The following SYNDIG1L variants were observed in gnomAD, a reference collection of about 807,000 sequenced individuals.
The protein encoded by SYNDIG1L is synapse differentiation inducing 1 like, also known as synapse differentiation-inducing gene protein 1-like.
In SYNDIG1L, 13 loss-of-function variants were observed where a neutral mutation model predicts 20.1. The observed-to-expected ratio is 0.65, with a 90% CI of 0.42 to 1.03. The LOEUF is 1.03. Among genes scored for constraint, SYNDIG1L ranks in the 50% least tolerant of loss-of-function variants. The pLI, the probability that SYNDIG1L is intolerant of heterozygous loss-of-function variation, is 0.00. For synonymous variants in SYNDIG1L, 128 were observed against 129.3 expected, an observed-to-expected ratio of 0.99 and a Z score of 0.07; for missense variants, 294 against 305.1, an observed-to-expected ratio of 0.96 and a Z score of 0.27.
In SYNDIG1L at chr14:74,406,503, A is replaced by C. The variant is rs2240622; in HGVS notation, c.*1032T>G. On this transcript the variant is annotated 3_prime_UTR_variant, in exon 4 of 4. Transcript: ENST00000331628. Reference sequence around the variant, plus strand: ...TTAGATGAATTCTATTCATCCTAGGACTTGCTCAAGGGATACCTCCTCCAG... The same window carrying C: ...TTAGATGAATTCTATTCATCCTAGGCCTTGCTCAAGGGATACCTCCTCCAG... 0.63 allele frequency: 99,824 copies of C among 157,336 alleles called. 31,752 individuals carry two copies. Among genetic ancestry groups the C allele is most frequent in the Admixed American group, 0.66 (10,243 of 15,426 alleles). 9.7% of individuals were successfully genotyped at this position (157,336 alleles called of 1,614,324 possible).
At chr14:74,476,373 T>C in the SYNDIG1L span, 1 of 737,738 alleles carries the variant, frequency 1.4e-6, no homozygotes, top group South Asian at 1.5e-5. Context: ...GCTAAGCTGA[T>C]CTTTCTGCCT....
At position 74,409,627 on chromosome 14, in the gene SYNDIG1L, A is replaced by G; in HGVS notation, c.118T>C (p.Ser40Pro). 1 of 1,498,676 alleles carries G rather than the reference A, an allele frequency of 6.7e-7. No homozygotes were observed. Among genetic ancestry groups the G allele is most frequent in the Non-Finnish European group, 8.9e-7 (1 of 1,124,978 alleles). 92.8% of individuals were successfully genotyped at this position (1,498,676 alleles called of 1,614,324 possible). ...PSWSCQEKLY[S>P]YLLGGAGPAG... is the part of the protein sequence containing the mutation. ...GGCCCAGCGCCACCTAGGAGGTAGG[A>G]GTAGAGCTTTTCCTGGCAGGACCAG... Residue 40 changes from serine (S) to proline (P), a missense_variant, in exon 2 of 4, where the codon TCC becomes CCC. Physicochemically the swap from Ser to Pro is moderately conservative, Grantham distance 74. Transcript: ENST00000331628.
chr14:74,435,931 A>G, the SYNDIG1L span, among the ~76,000 whole-genome samples: 1 of 152,080 alleles, frequency 6.6e-6, no homozygotes, highest in African/African-American at 2.4e-5. Flanking sequence ...TTTCTACCAT[A>G]ATTTTCTGGT....
chr14:74,422,384 C>T (rs185798653), intron 1 of SYNDIG1L, among the ~76,000 whole-genome samples: 13 of 152,196 alleles, frequency 8.5e-5, no homozygotes, highest in Admixed American at 3.3e-4. Flanking sequence ...AGCTGAGTCC[C>T]GGAGAAGGGA....
chr14:74,447,733 A>G, the SYNDIG1L span, among the ~76,000 whole-genome samples: 6 of 152,350 alleles, frequency 3.9e-5, no homozygotes, highest in East Asian at 1.2e-3. Flanking sequence ...GAAAAACACA[A>G]GTAATAGTCT....
At chr14:74,460,221 A>G in the SYNDIG1L span, among the ~76,000 whole-genome samples, 17,414 of 151,978 alleles carry the variant, frequency 0.11, 1,786 homozygotes, top group African/African-American at 0.27. Flanking sequence ...GCCCTGTTCC[A>G]GTGGGGCTCT....
At chr14:74,426,824 G>A (rs2086270562), upstream of SYNDIG1L, among the ~76,000 whole-genome samples, 1 of 150,894 alleles carries the variant, frequency 6.6e-6, no homozygotes, top group African/African-American at 2.4e-5. Context: ...GTGCTGGGAA[G>A]GGCACAGGTT....
chr14:74,437,090 T>C, the SYNDIG1L span, among the ~76,000 whole-genome samples: 2 of 152,340 alleles, frequency 1.3e-5, no homozygotes, highest in East Asian at 3.9e-4. Flanking sequence ...ATGCCTGACA[T>C]AAGTAAACAC....
the SYNDIG1L span, among the ~76,000 whole-genome samples, chr14:74,440,655 A>G: frequency 6.6e-6 from 1 of 152,184 alleles, no homozygotes; most frequent in Non-Finnish European, 1.5e-5. Flanking sequence ...ACTGAACTCC[A>G]GCCTGGGGGA....
intron 1 of SYNDIG1L, among the ~76,000 whole-genome samples, chr14:74,414,543 T>C (rs1440575961): frequency 1.3e-5 from 2 of 152,210 alleles, no homozygotes; most frequent in African/African-American, 4.8e-5. Flanking sequence ...TGGAGTCAAA[T>C]TACAGTCTCC....
chr14:74,454,551 A>G, the SYNDIG1L span, among the ~76,000 whole-genome samples: 1 of 152,340 alleles, frequency 6.6e-6, no homozygotes, highest in East Asian at 1.9e-4. Flanking sequence ...TATAGGCACA[A>G]TGCCAAAAAC....
At chr14:74,480,053 G>T in the SYNDIG1L span, 1 of 1,511,256 alleles carries the variant, frequency 6.6e-7, no homozygotes, top group Non-Finnish European at 8.8e-7. Context: ...CTAACCAAGT[G>T]CTGCATTTAA....
intron 1 of SYNDIG1L, among the ~76,000 whole-genome samples, chr14:74,411,685 G>A (rs1022065192): frequency 3.9e-5 from 6 of 152,180 alleles, no homozygotes; most frequent in Admixed American, 1.3e-4. Context: ...AAGACACTGA[G>A]GGTGTGTCCA....
chr14:74,443,771 T>G, the SYNDIG1L span, among the ~76,000 whole-genome samples: 25 of 152,172 alleles, frequency 1.6e-4, no homozygotes, highest in African/African-American at 6.0e-4. Context: ...AGAGATTGAA[T>G]CTTCTTTCTT....
At chr14:74,411,124 T>A (rs2086127565) in intron 1 of SYNDIG1L, among the ~76,000 whole-genome samples, 1 of 152,208 alleles carries the variant, frequency 6.6e-6, no homozygotes, top group Non-Finnish European at 1.5e-5. Context: ...TGGAGGGTGA[T>A]GGGGCTGTGT....
chr14:74,459,293 A>T, the SYNDIG1L span, among the ~76,000 whole-genome samples: 2 of 152,166 alleles, frequency 1.3e-5, no homozygotes, highest in Non-Finnish European at 2.9e-5. Flanking sequence ...AGGCGGGCAG[A>T]TCGCTTGAGC....
At chr14:74,413,493 A>G (rs947687681) in intron 1 of SYNDIG1L, among the ~76,000 whole-genome samples, 8 of 152,194 alleles carry the variant, frequency 5.3e-5, no homozygotes, top group Admixed American at 4.6e-4. Context: ...GAAAATGGTA[A>G]ATGCATGTAA....
At chr14:74,459,694 G>A in the SYNDIG1L span, among the ~76,000 whole-genome samples, 22 of 152,168 alleles carry the variant, frequency 1.4e-4, 1 homozygote, top group Admixed American at 1.3e-4. Flanking sequence ...GGGCTGTAAC[G>A]TCCAGGCCTT....
chr14:74,449,697 G>A, the SYNDIG1L span, among the ~76,000 whole-genome samples: 4 of 151,394 alleles, frequency 2.6e-5, no homozygotes, highest in African/African-American at 9.7e-5. Flanking sequence ...TGCCACTAGA[G>A]CAGTTAAAAA....
Sources: gnomAD v4.1 joint callset for allele counts (sites outside exome capture counted in the v4.1 genomes callset) on GRCh38, gnomAD v4.1.1 for gene constraint, MANE v1.5 for transcripts, NCBI Gene and HGNC (gene_info 2026-07-23, HGNC 2026-07-21) for gene names.